TRPM7: variants seen among roughly 807,000 people sequenced by gnomAD.
The protein encoded by TRPM7 is transient receptor potential cation channel subfamily M member 7, also known as LTRPC ion channel family member 7.
In TRPM7, 134 loss-of-function variants were observed where a neutral mutation model predicts 229.7. The observed-to-expected ratio is 0.58, with a 90% CI of 0.51 to 0.67. The LOEUF is 0.67. Among genes scored for constraint, TRPM7 ranks in the 30% least tolerant of loss-of-function variants. The pLI is 0.00. For synonymous variants in TRPM7, 699 were observed against 715.2 expected (o/e 0.98, Z 0.36); for missense variants, 1,901 against 2,210.0 (o/e 0.86, Z 2.80).
chr15:50,600,703 A>G (rs755974668), intron 21 of TRPM7, among the ~76,000 whole-genome samples: 1 of 152,228 alleles, frequency 6.6e-6, no homozygotes, highest in Non-Finnish European at 1.5e-5. Context: ...GTGAAAGGTA[A>G]AGGGGACAAT....
chr15:50,642,144 TATGTTA>T (rs558622738), intron 5 of TRPM7, among the ~76,000 whole-genome samples: 56 of 152,310 alleles, frequency 3.7e-4, no homozygotes, highest in Non-Finnish European at 6.8e-4. Flanking sequence ...AAGACAGTAG[TATGTTA>T]CAAATTAATT....
intron 1 of TRPM7, among the ~76,000 whole-genome samples, chr15:50,665,894 G>C (rs1232912263): frequency 1.3e-5 from 2 of 152,122 alleles, no homozygotes; most frequent in African/African-American, 4.8e-5. Flanking sequence ...TCGAGAGACT[G>C]AGGCAGGAGA....
chr15:50,568,111 CAAAAAAAAAA>C (rs57093955), intron 38 of TRPM7, among the ~76,000 whole-genome samples: 1 of 81,438 alleles, frequency 1.2e-5, no homozygotes, highest in African/African-American at 5.3e-5. Flanking sequence ...GACTCTGTCT[CAAAAAAAAAA>C]AAAAAAAAAA....
intron 30 of TRPM7, among the ~76,000 whole-genome samples, chr15:50,579,240 AG>A: frequency 6.6e-6 from 1 of 152,204 alleles, no homozygotes; most frequent in East Asian, 1.9e-4. Flanking sequence ...AGTGGAAAAG[AG>A]AACAGAATGA....
intron 12 of TRPM7, among the ~76,000 whole-genome samples, chr15:50,620,003 TAA>T (rs1343831009): frequency 6.6e-6 from 1 of 152,218 alleles, no homozygotes; most frequent in Non-Finnish European, 1.5e-5. Context: ...AAATGATACA[TAA>T]GTTTTTGTTT....
At chr15:50,682,200 AC>A (rs35032812) in intron 1 of TRPM7, among the ~76,000 whole-genome samples, 9,293 of 141,174 alleles carry the variant, frequency 0.066, 441 homozygotes, top group South Asian at 0.1. Flanking sequence ...AAGGACTGTG[AC>A]CTGGCAAAAA....
At chr15:50,622,169 A>C (rs2060426051) in intron 12 of TRPM7, among the ~76,000 whole-genome samples, 1 of 152,198 alleles carries the variant, frequency 6.6e-6, no homozygotes, top group African/African-American at 2.4e-5. Context: ...CTTTAATAAA[A>C]ACAAATATTT....
At chr15:50,651,755 T>C (rs562158510) in intron 3 of TRPM7, among the ~76,000 whole-genome samples, 18 of 152,188 alleles carry the variant, frequency 1.2e-4, no homozygotes, top group African/African-American at 4.3e-4. Flanking sequence ...CTGGGCGTCG[T>C]GGCAGTCGCC....
intron 1 of TRPM7, among the ~76,000 whole-genome samples, chr15:50,671,058 T>C (rs977576714): frequency 6.6e-6 from 1 of 152,180 alleles, no homozygotes; most frequent in Non-Finnish European, 1.5e-5. Context: ...TACTATTTTT[T>C]TGTGGTGAGA....
intron 13 of TRPM7, 68 bp from the exon 14 acceptor site, chr15:50,614,331 G>T (rs1392421430): frequency 4.4e-6 from 6 of 1,372,876 alleles, no homozygotes. Flanking sequence ...CCCTGCCTAG[G>T]AACAGGCCTA....
intron 1 of TRPM7, among the ~76,000 whole-genome samples, chr15:50,667,661 T>C (rs2061914352): frequency 6.6e-6 from 1 of 152,106 alleles, no homozygotes; most frequent in African/African-American, 2.4e-5. Flanking sequence ...GAGCCAAGAC[T>C]GTGCCACTGC....
intron 13 of TRPM7, among the ~76,000 whole-genome samples, chr15:50,617,349 AC>A (rs1293343540): frequency 2.1e-5 from 3 of 144,878 alleles, no homozygotes; most frequent in Non-Finnish European, 3.1e-5. Context: ...AAAAAAAAAA[AC>A]AAATCAGTCA....
intron 1 of TRPM7, among the ~76,000 whole-genome samples, chr15:50,686,117 C>G (rs528144854): frequency 1.3e-5 from 2 of 152,336 alleles, no homozygotes; most frequent in South Asian, 4.1e-4. Flanking sequence ...TTGAGCAGAG[C>G]ATTTGGTTCC....
chr15:50,667,683 G>A (rs182234557), intron 1 of TRPM7, among the ~76,000 whole-genome samples: 1 of 152,212 alleles, frequency 6.6e-6, no homozygotes, highest in Admixed American at 6.6e-5. Context: ...CTCCAGCCTG[G>A]GCAACAGAAG....
intron 16 of TRPM7, among the ~76,000 whole-genome samples, chr15:50,611,909 A>G (rs1356098543): frequency 6.6e-6 from 1 of 152,188 alleles, no homozygotes; most frequent in Non-Finnish European, 1.5e-5. Flanking sequence ...TAAATTGTAA[A>G]CTTTTATGAA....
In TRPM7 at chr15:50,561,598, CA is replaced by C. The variant is rs2053313026; in HGVS notation, c.*79del. On this transcript the variant is annotated 3_prime_UTR_variant, in exon 39 of 39. Coordinates refer to ENST00000646667, the MANE Select transcript of TRPM7 (RefSeq NM_017672.6). ...GCATACACCTTTCTATATTACCAAA[CA>C]ATTTCCTCCCGAGGGAAAAGTGACA... 1 of 1,555,326 alleles carries C rather than the reference CA, an allele frequency of 6.4e-7. No individual in the cohort carries two copies. The highest frequency in any genetic ancestry group is 1.4e-5 in the African/African-American group (1 of 72,286).
chr15:50,595,632 G>A (rs1376637599), intron 23 of TRPM7, among the ~76,000 whole-genome samples: 3 of 152,016 alleles, frequency 2.0e-5, no homozygotes, highest in Non-Finnish European at 4.4e-5. Context: ...AAGCTGAAGT[G>A]GATGGATCAC....
At chr15:50,616,454 ATTAT>A (rs2140508841) in intron 13 of TRPM7, among the ~76,000 whole-genome samples, 1 of 152,274 alleles carries the variant, frequency 6.6e-6, no homozygotes, top group Admixed American at 6.5e-5. Flanking sequence ...GGGAATTTTA[ATTAT>A]TTAAAAAGAC....
chr15:50,568,931 T>C (rs1009370205), intron 38 of TRPM7, among the ~76,000 whole-genome samples: 1 of 152,078 alleles, frequency 6.6e-6, no homozygotes, highest in African/African-American at 2.4e-5. Context: ...TGCAGTGAGC[T>C]GAGATCGCAC....
Sources: allele counts gnomAD v4.1 joint callset (sites outside exome capture counted in the v4.1 genomes callset), GRCh38; gene constraint gnomAD v4.1.1; transcripts MANE v1.5; gene names NCBI Gene and HGNC (gene_info 2026-07-23, HGNC 2026-07-21).